KBTBD2: variants seen among roughly 807,000 people sequenced by gnomAD.
KBTBD2 encodes kelch repeat and BTB domain-containing protein 2.
In KBTBD2, 17 loss-of-function variants were observed where a neutral mutation model predicts 57.1. That is an observed-to-expected ratio of 0.30 (90% CI 0.20 to 0.45). The LOEUF is 0.45. KBTBD2 is among the 20% of genes least tolerant of loss of function. KBTBD2 has a pLI of 1.00. For missense variants in KBTBD2, 515 were observed against 750.6 expected, an observed-to-expected ratio of 0.69 and a Z score of 3.67; for synonymous variants, 267 against 262.7, an observed-to-expected ratio of 1.02 and a Z score of -0.16.
At position 32,869,434 on chromosome 7, in the gene KBTBD2, G is replaced by C; in HGVS notation, c.1783C>G (p.Pro595Ala). The C allele has an allele frequency of 6.2e-7, 1 of 1,614,056 alleles. No individual in the cohort carries two copies. Among genetic ancestry groups the C allele is most frequent in the Non-Finnish European group, 8.5e-7 (1 of 1,179,970 alleles). ...AAAAGATAAGTTGGTGGTTTCCATG[G>C]AGACTCTTCAAGGCAGGATGGATAG... Reference protein sequence around the residue: ...KLYPSCLEESPWKPPTYLFST... With the variant: ...KLYPSCLEESAWKPPTYLFST... Residue 595 changes from proline (P) to alanine (A), a missense_variant, in exon 4 of 4, where the codon CCA becomes GCA. Physicochemically the swap from Pro to Ala is conservative, Grantham distance 27 (BLOSUM62 -1). Coordinates refer to ENST00000304056, the MANE Select transcript of KBTBD2 (RefSeq NM_015483.3).
intron 2 of KBTBD2, among the ~76,000 whole-genome samples, chr7:32,875,761 A>G (rs1784298003): frequency 6.6e-6 from 1 of 152,152 alleles, no homozygotes; most frequent in Admixed American, 6.5e-5. Flanking sequence ...TGAACCTGAA[A>G]ACATTATGCT....
chr7:32,887,688 A>C (rs1784615273), intron 1 of KBTBD2, among the ~76,000 whole-genome samples: 1 of 152,234 alleles, frequency 6.6e-6, no homozygotes, highest in African/African-American at 2.4e-5. Context: ...AGAAGATTAA[A>C]AATTTTTGTT....
intron 1 of KBTBD2, among the ~76,000 whole-genome samples, chr7:32,880,570 T>C (rs576701305): frequency 6.7e-6 from 1 of 148,866 alleles, no homozygotes; most frequent in African/African-American, 2.4e-5. Flanking sequence ...AAACATAAAA[T>C]GTAATGGGTA....
intron 3 of KBTBD2, among the ~76,000 whole-genome samples, chr7:32,872,366 C>G (rs367940151): frequency 1.3e-5 from 2 of 152,092 alleles, no homozygotes; most frequent in East Asian, 3.9e-4. Context: ...AGAACACTAA[C>G]GATAAAGTTA....
intron 1 of KBTBD2, among the ~76,000 whole-genome samples, chr7:32,887,958 A>G (rs1287400193): frequency 1.3e-5 from 2 of 152,136 alleles, no homozygotes; most frequent in East Asian, 3.9e-4. Flanking sequence ...GATATTCGAA[A>G]TTATTTTTAT....
At position 32,869,242 on chromosome 7, in the gene KBTBD2, T is replaced by A; in HGVS notation, c.*103A>T. 1 of 780,362 alleles carries A rather than the reference T, an allele frequency of 1.3e-6. No homozygotes were observed. Among genetic ancestry groups the A allele is most frequent in the Non-Finnish European group, 2.0e-6 (1 of 491,748 alleles). 48.3% of individuals were successfully genotyped at this position (780,362 alleles called of 1,614,324 possible). A position where few individuals can be genotyped will look rare whatever the true frequency, so the allele number is the denominator to read the frequency against. On this transcript the variant is annotated 3_prime_UTR_variant, in exon 4 of 4. Coordinates refer to ENST00000304056, the MANE Select transcript of KBTBD2 (RefSeq NM_015483.3). ...GCATAAAAATAAAATTTATCAAAGA[T>A]AGAATTTTATGTACTCATATTTAGT...
intron 1 of KBTBD2, among the ~76,000 whole-genome samples, chr7:32,887,952 T>C (rs915293978): frequency 1.3e-5 from 2 of 151,942 alleles, no homozygotes; most frequent in African/African-American, 4.8e-5. Context: ...TACACAGATA[T>C]TCGAAATTAT....
intron 1 of KBTBD2, among the ~76,000 whole-genome samples, chr7:32,884,655 A>G (rs987196314): frequency 2.0e-5 from 3 of 152,034 alleles, no homozygotes; most frequent in Non-Finnish European, 4.4e-5. Context: ...GCACCACTGC[A>G]CTCCAGCCTG....
intron 2 of KBTBD2, among the ~76,000 whole-genome samples, chr7:32,876,964 G>A (rs1408375176): frequency 6.6e-6 from 1 of 151,948 alleles, no homozygotes; most frequent in African/African-American, 2.4e-5. Flanking sequence ...CCTCAAAAAG[G>A]AACAAACAAA....
In KBTBD2 at chr7:32,878,100, C is replaced by A. The variant is rs147509312; in HGVS notation, c.170+1335G>T. ...GCACTCCAGCCTGGGTGACAGATTGCGACTGTCTTTAAAAAAAAAAAAAAA... is the reference window on the plus strand; with the variant it reads ...GCACTCCAGCCTGGGTGACAGATTGAGACTGTCTTTAAAAAAAAAAAAAAA... On this transcript the variant is annotated intron_variant, in intron 2 of 3. Coordinates refer to ENST00000304056, the MANE Select transcript of KBTBD2 (RefSeq NM_015483.3). Among the ~76,000 whole-genome samples, 900 of 145,074 alleles carry A rather than the reference C, an allele frequency of 6.2e-3. 12 individuals carry two copies. Among genetic ancestry groups the A allele is most frequent in the African/African-American group, 0.021 (823 of 38,980 alleles).
chr7:32,872,135 G>C (rs1179885700), intron 3 of KBTBD2, among the ~76,000 whole-genome samples: 1 of 152,004 alleles, frequency 6.6e-6, no homozygotes, highest in Non-Finnish European at 1.5e-5. Context: ...AGCAATTTGA[G>C]ACTGCAGTGA....
At chr7:32,888,464 C>T (rs922554833) in intron 1 of KBTBD2, among the ~76,000 whole-genome samples, 1 of 151,906 alleles carries the variant, frequency 6.6e-6, no homozygotes, top group Non-Finnish European at 1.5e-5. Context: ...TTGAGAATGT[C>T]TGGAAAAGAC....
At chr7:32,887,894 G>C (rs555319489) in intron 1 of KBTBD2, among the ~76,000 whole-genome samples, 2 of 152,258 alleles carry the variant, frequency 1.3e-5, no homozygotes, top group Non-Finnish European at 2.9e-5. Context: ...TCAATGAATT[G>C]TTCTAGGATT....
intron 1 of KBTBD2, among the ~76,000 whole-genome samples, chr7:32,889,684 A>C (rs1052460888): frequency 5.3e-5 from 8 of 152,216 alleles, no homozygotes; most frequent in Admixed American, 4.6e-4. Flanking sequence ...TACAAAACTG[A>C]AAAGATTAAG....
At position 32,877,360 on chromosome 7, in the gene KBTBD2, A is replaced by T. The variant is rs914813822; in HGVS notation, c.170+2075T>A. Among the ~76,000 whole-genome samples the T allele has an allele frequency of 3.9e-5, 6 of 152,342 alleles. No individual in the cohort carries two copies. In the South Asian group the frequency reaches 6.2e-4, roughly 16 times the overall value. On this transcript the variant is annotated intron_variant, in intron 2 of 3. Transcript: ENST00000304056. ...ATTTCATAATATTGTAACAGGCTGA[A>T]GTACCACAACAGAAGTGCTGAGTAA...
intron 3 of KBTBD2, among the ~76,000 whole-genome samples, chr7:32,872,251 A>G (rs1039220467): frequency 3.9e-5 from 6 of 152,114 alleles, no homozygotes; most frequent in South Asian, 2.1e-4. Flanking sequence ...TGCAAACTAT[A>G]TAAAGACAGT....
Position 32,869,832 on chromosome 7 carries a change from G to C in KBTBD2, c.1385C>G (p.Ala462Gly). The C allele has an allele frequency of 2.5e-6, 4 of 1,613,690 alleles. No homozygotes were observed. Among genetic ancestry groups the C allele is most frequent in the Non-Finnish European group, 3.4e-6 (4 of 1,179,994 alleles). Reference sequence around the variant, plus strand: ...TTTATCACCAAAAGCTGCAGCTGAAGCAAAGGACCTACTAGTCTGTCTCAT... The same window carrying C: ...TTTATCACCAAAAGCTGCAGCTGAACCAAAGGACCTACTAGTCTGTCTCAT... ...MAMRQTSRSF[A>G]SAAAFGDKIF... is the part of the protein sequence containing the mutation. Residue 462 changes from alanine (A) to glycine (G), a missense_variant, in exon 4 of 4, where the codon GCT (alanine) becomes GGT (glycine). By Grantham distance (60) the Ala-to-Gly change is moderately conservative. Transcript: ENST00000304056.
rs573729339 is a variant in KBTBD2, at chr7:32,879,427, G to C, written c.170+8C>G. On this transcript the variant is annotated splice_region_variant and intron_variant, in intron 2 of 3. Coordinates refer to ENST00000304056, the MANE Select transcript of KBTBD2 (RefSeq NM_015483.3). ...AGAATTTCTATTTAAAACATTAAAAGTACTTACCTGAAATAAGAGCTACAT... is the reference window on the plus strand; with the variant it reads ...AGAATTTCTATTTAAAACATTAAAACTACTTACCTGAAATAAGAGCTACAT... 3.2e-6 allele frequency: 5 copies of C among 1,569,788 alleles called. No homozygotes were observed. The highest frequency in any genetic ancestry group is 3.5e-6 in the Non-Finnish European group (4 of 1,148,854).
At chr7:32,884,985 T>TATATACACATATACAC (rs1562537503) in intron 1 of KBTBD2, among the ~76,000 whole-genome samples, 1 of 113,494 alleles carries the variant, frequency 8.8e-6, no homozygotes, top group African/African-American at 3.8e-5. Context: ...TGTATATATA[T>TATATACACATATACAC]ATATACACAT....
Sources: allele counts gnomAD v4.1 joint callset (sites outside exome capture counted in the v4.1 genomes callset), GRCh38; gene constraint gnomAD v4.1.1; transcripts MANE v1.5; gene names NCBI Gene and HGNC (gene_info 2026-07-23, HGNC 2026-07-21).